The following ACTN3 variants were observed in gnomAD, a reference collection of about 807,000 sequenced individuals.
The protein encoded by ACTN3 is actinin alpha 3, also known as alpha-actinin-3.
In ACTN3, 91 loss-of-function variants were observed where a neutral mutation model predicts 119.6. The ratio of observed to expected loss-of-function variants is 0.76; its 90% CI spans 0.64 to 0.91. The LOEUF (loss-of-function observed/expected upper bound fraction) is 0.91. ACTN3 is among the 40% of genes least tolerant of loss of function. The pLI is 0.00. For missense variants in ACTN3, 1,221 were observed against 1,215.1 expected (o/e 1.00, Z -0.07); for synonymous variants, 456 against 478.8 (o/e 0.95, Z 0.62).
At position 66,561,463 on chromosome 11, in the gene ACTN3, G is replaced by A. The variant is rs1398791875; in HGVS notation, c.2001G>A (p.Val667=). The A allele has an allele frequency of 2.5e-6, 4 of 1,599,674 alleles. No individual in the cohort carries two copies. The highest frequency in any genetic ancestry group is 1.7e-6 in the Non-Finnish European group (2 of 1,173,466). ...CTGCCTGGGAACCCCTGCAGGAAGT[G>A]GGGCGGCTGGCAGCAGGGCTAGCTG... ...GPWIQAKVEE[V]GRLAAGLAGS... is the part of the protein sequence containing the mutation. The change falls in exon 17 of 21, where the codon GTG becomes GTA. Residue 667 remains valine (V), a synonymous_variant. Coordinates refer to ENST00000513398, the MANE Select transcript of ACTN3 (RefSeq NM_001104.4).
rs553485895 is a variant in ACTN3 at position 66,563,086 on chromosome 11, G to A, written c.2599G>A (p.Glu867Lys). ...LRRELPAKQAEYCIRRMVPYK... is the reference protein window; with the variant it reads ...LRRELPAKQAKYCIRRMVPYK... ...GCGCGAGCTCCCTGCCAAGCAGGCC[G>A]AGTACTGCATCCGCCGTATGGTGCC... Residue 867 changes from glutamate to lysine, a missense_variant, in exon 21 of 21, where the codon GAG (glutamate) becomes AAG (lysine). Transcript: ENST00000513398. The A allele has an allele frequency of 5.8e-5, 94 of 1,613,180 alleles. No individual in the cohort carries two copies. In the East Asian group the frequency reaches 1.3e-3, roughly 23 times the overall value.
chr11:66,561,355 G>A lies in ACTN3; in HGVS notation c.1989G>A (p.Lys663=), dbSNP rs1857757540. Reference sequence around the variant, plus strand: ...CCATTGGACCCTGGATCCAGGCGAAGGTGGAGGTAAGGGCTGGGATAGTGG... The same window carrying A: ...CCATTGGACCCTGGATCCAGGCGAAAGTGGAGGTAAGGGCTGGGATAGTGG... ...ANAIGPWIQA[K]VEEVGRLAAG... The change falls in exon 16 of 21, where the codon AAG becomes AAA. Residue 663 remains lysine, a synonymous_variant. Transcript: ENST00000513398. 1.2e-6 allele frequency: 2 copies of A among 1,610,794 alleles called. No individual in the cohort carries two copies.
At chr11:66,553,003 C>T (rs1223503811) in intron 3 of ACTN3, among the ~76,000 whole-genome samples, 2 of 150,594 alleles carry the variant, frequency 1.3e-5, no homozygotes, top group Non-Finnish European at 3.0e-5. Flanking sequence ...ACACCTGTAA[C>T]CCCAGCACTT....
In ACTN3 at chr11:66,554,588, G is replaced by A. The variant is rs745585111; in HGVS notation, c.522G>A (p.Pro174=). ...TGTGGTGCCAGAGGAAGACAGCACC[G>A]TACCGCAACGTCAACGTGCAGAACT... ...LLLWCQRKTA[P]YRNVNVQNFH... Residue 174 remains proline, a synonymous_variant, in exon 5 of 21, where the codon CCG becomes CCA. Transcript: ENST00000513398. 1.5e-5 allele frequency: 24 copies of A among 1,612,336 alleles called. No homozygotes were observed. The East Asian group carries it at 3.6e-4, about 24-fold the overall frequency.
Position 66,554,478 on chromosome 11 carries a change from G to A in ACTN3, c.470-58G>A, listed in dbSNP as rs539192261. ...TCTCAAAAAAAAAAAAAAAAGAAGT[G>A]TGAGAGGGCTGACCTGGACCCCTTC... is the stretch of plus-strand genomic sequence containing the variant. On this transcript the variant is annotated intron_variant, in intron 4 of 20. Coordinates refer to ENST00000513398, the MANE Select transcript of ACTN3 (RefSeq NM_001104.4). The A allele has an allele frequency of 2.1e-4, 250 of 1,178,042 alleles. No individual in the cohort carries two copies. The African/African-American group carries it at 3.7e-3, about 17-fold the overall frequency. 73.0% of individuals were successfully genotyped at this position (1,178,042 alleles called of 1,614,324 possible).
intron 11 of ACTN3, 99 bp from the exon 12 acceptor site, chr11:66,559,137 T>C: frequency 7.6e-7 from 1 of 1,313,402 alleles, no homozygotes; most frequent in South Asian, 2.0e-5. Flanking sequence ...GCCGGTGCGA[T>C]CGCCACCTTA....
rs375257311 is a variant in ACTN3 at position 66,561,519 on chromosome 11, G to C, written c.2057G>C (p.Arg686Pro). 6.2e-7 allele frequency: 1 copy of C among 1,607,458 alleles called. No homozygotes were observed. The highest frequency in any genetic ancestry group is 8.5e-7 in the Non-Finnish European group (1 of 1,177,016). Residue 686 changes from arginine (R) to proline (P), a missense_variant, in exon 17 of 21, where the codon CGG (arginine) becomes CCG (proline). Physicochemically the swap from Arg to Pro is moderately radical, Grantham distance 103. Around this residue, in one of 3 missense-constraint regions of ACTN3, gnomAD observed 934 missense variants for 899.9 expected, o/e 1.04. Coordinates refer to ENST00000513398, the MANE Select transcript of ACTN3 (RefSeq NM_001104.4). ...CTGGAGGAGCAGATGGCTGGGCTAC[G>C]GCAGCAGGAGCAGAACATTATCAAC... ...GSLEEQMAGL[R>P]QQEQNIINYK...
intron 1 of ACTN3, among the ~76,000 whole-genome samples, chr11:66,548,893 C>G (rs1417803933): frequency 6.6e-6 from 1 of 152,350 alleles, no homozygotes; most frequent in South Asian, 2.1e-4. Context: ...CACCCTTCCT[C>G]TCTTGCCCTG....
intron 1 of ACTN3, among the ~76,000 whole-genome samples, chr11:66,549,404 G>T (rs1857427495): frequency 6.6e-6 from 1 of 152,152 alleles, no homozygotes; most frequent in South Asian, 2.1e-4. Flanking sequence ...GATGGACTGT[G>T]AGCTCCCTTA....
intron 3 of ACTN3, among the ~76,000 whole-genome samples, chr11:66,553,771 G>C (rs1307566355): frequency 6.7e-6 from 1 of 149,408 alleles, no homozygotes; most frequent in East Asian, 2.0e-4. Flanking sequence ...TCAGGAGGCT[G>C]AGGCAGGAGA....
chr11:66,554,740 G>C (rs1857554438), intron 5 of ACTN3, 117 bp downstream of exon 5: 1 of 831,604 alleles, frequency 1.2e-6, no homozygotes, highest in Non-Finnish European at 1.9e-6. Context: ...CCACAGGGAA[G>C]GAAAGGTCAC....
At chr11:66,547,234 TC>T in intron 1 of ACTN3, 150 bp downstream of exon 1, 1 of 978,524 alleles carries the variant, frequency 1.0e-6, no homozygotes, top group Non-Finnish European at 1.4e-6. Flanking sequence ...CTGCCTGCTG[TC>T]CCCAGGGCTG....
chr11:66,562,257 A>C lies in ACTN3; in HGVS notation c.2323A>C (p.Lys775Gln). The C allele has an allele frequency of 6.2e-7, 1 of 1,613,790 alleles. No individual in the cohort carries two copies. Among genetic ancestry groups the C allele is most frequent in the Non-Finnish European group, 8.5e-7 (1 of 1,179,834 alleles). ...CCTGATAACCACTCACCCCCTACAG[A>C]AGCAGAATGGGATGATGGAGCCTGA... ...FRASFNHFDR[K>Q]QNGMMEPDDF... Residue 775 changes from lysine (K) to glutamine (Q), a missense_variant and splice_region_variant, in exon 19 of 21, where the codon AAG (lysine) becomes CAG (glutamine). Around this residue, in one of 3 missense-constraint regions of ACTN3, gnomAD observed 934 missense variants for 899.9 expected, o/e 1.04. Coordinates refer to ENST00000513398, the MANE Select transcript of ACTN3 (RefSeq NM_001104.4).
intron 7 of ACTN3, 28 bp downstream of exon 7, chr11:66,555,395 C>T: frequency 6.2e-7 from 1 of 1,608,602 alleles, no homozygotes; most frequent in Non-Finnish European, 8.5e-7. Flanking sequence ...CAGGGGAAGA[C>T]CCCACATTCT....
intron 3 of ACTN3, among the ~76,000 whole-genome samples, chr11:66,553,566 T>C (rs1857521802): frequency 7.2e-6 from 1 of 139,444 alleles, no homozygotes; most frequent in Non-Finnish European, 1.5e-5. Flanking sequence ...AAAATTATAA[T>C]AAAAAAAAAG....
At chr11:66,560,111 A>AGG in intron 13 of ACTN3, 35 bp downstream of exon 13, 1 of 694,090 alleles carries the variant, frequency 1.4e-6, no homozygotes, top group Non-Finnish European at 2.1e-6. Context: ...GGGGGTGGGT[A>AGG]GGTGGGTGAG....
Position 66,561,351 on chromosome 11 carries a change from C to T in ACTN3, c.1985C>T (p.Ala662Val), listed in dbSNP as rs368454306. The T allele has an allele frequency of 5.6e-6, 9 of 1,610,150 alleles. No homozygotes were observed. Among genetic ancestry groups the T allele is most frequent in the East Asian group, 2.2e-5 (1 of 44,860 alleles). The change falls in exon 16 of 21, where the codon GCG becomes GTG. Residue 662 changes from alanine (A) to valine (V), a missense_variant. This residue lies in a region of ACTN3 where 934 missense variants were observed against 899.9 expected (regional missense o/e 1.04). Transcript: ENST00000513398. ...QANAIGPWIQAKVEEVGRLAA... is the reference protein window; with the variant it reads ...QANAIGPWIQVKVEEVGRLAA... ...AATGCCATTGGACCCTGGATCCAGG[C>T]GAAGGTGGAGGTAAGGGCTGGGATA... is the stretch of plus-strand genomic sequence containing the variant.
rs749294085 is a variant in ACTN3, at chr11:66,555,194, G to A, written c.622G>A (p.Ala208Thr). The A allele has an allele frequency of 3.2e-5, 52 of 1,613,388 alleles. No homozygotes were observed. Among genetic ancestry groups the A allele is most frequent in the Middle Eastern group, 1.6e-4 (1 of 6,082 alleles). ...ACACCGCCCTGACCTCATCGACTAC[G>A]CCAAACTGCGAAAGGTAGAGGCCCC... is the stretch of plus-strand genomic sequence containing the variant. ...HRHRPDLIDYAKLRKDDPIGN... is the reference protein window; with the variant it reads ...HRHRPDLIDYTKLRKDDPIGN... Residue 208 changes from alanine (A) to threonine (T), a missense_variant, in exon 6 of 21, where the codon GCC (alanine) becomes ACC (threonine). Ala to Thr is a moderately conservative substitution (Grantham distance 58, BLOSUM62 0). Transcript: ENST00000513398.
chr11:66,560,670 T>C lies in ACTN3; in HGVS notation c.1775T>C (p.Ile592Thr). The C allele has an allele frequency of 6.2e-7, 1 of 1,613,852 alleles. No individual in the cohort carries two copies. Among genetic ancestry groups the C allele is most frequent in the Non-Finnish European group, 8.5e-7 (1 of 1,179,856 alleles). ...GGCATCCAGGGTGAGATCCAGAAGA[T>C]CTGCCAGACGTATGGGCTGCGGCCC... is the stretch of plus-strand genomic sequence containing the variant. ...IMGIQGEIQK[I>T]CQTYGLRPCS... The change falls in exon 15 of 21, where the codon ATC (isoleucine) becomes ACC (threonine). Residue 592 changes from isoleucine (I) to threonine (T), a missense_variant. Physicochemically the swap from Ile to Thr is moderately conservative, Grantham distance 89. Coordinates refer to ENST00000513398, the MANE Select transcript of ACTN3 (RefSeq NM_001104.4).
Sources: gnomAD v4.1 joint callset for allele counts (sites outside exome capture counted in the v4.1 genomes callset) on GRCh38, gnomAD v4.1.1 for gene constraint, gnomAD v4.1.1 regional missense constraint, MANE v1.5 for transcripts, NCBI Gene and HGNC (gene_info 2026-07-23, HGNC 2026-07-21) for gene names.